Variants in MAP3K1 observed in about 807,000 individuals in gnomAD.
MAP3K1 encodes the protein mitogen-activated protein kinase kinase kinase 1, also known as MAP/ERK kinase kinase 1.
A neutral mutation model predicts 144.2 loss-of-function variants in MAP3K1; 36 were observed. The ratio of observed to expected loss-of-function variants is 0.25; its 90% confidence interval spans 0.19 to 0.33. The LOEUF (loss-of-function observed/expected upper bound fraction) is 0.33. Ranked by LOEUF, MAP3K1 falls within the 10% of genes least tolerant of loss-of-function variation. MAP3K1 has a pLI of 1.00. For missense variants in MAP3K1, 1,650 were observed against 1,881.9 expected (o/e 0.88, Z 2.28); for synonymous variants, 718 against 688.7 (o/e 1.04, Z -0.67).
chr5:56,829,888 A>G (rs1234780922), intron 1 of MAP3K1, among the ~76,000 whole-genome samples: 1 of 152,216 alleles, frequency 6.6e-6, no homozygotes, highest in African/African-American at 2.4e-5. Flanking sequence ...TTAAGTGGAT[A>G]GTAGGACATT....
intron 14 of MAP3K1, 39 bp from the exon 15 acceptor site, chr5:56,883,488 C>T (rs1229971870): frequency 1.9e-6 from 3 of 1,601,144 alleles, no homozygotes; most frequent in East Asian, 2.2e-5. Flanking sequence ...AAATCTTACT[C>T]CTTTAACAGT....
intron 1 of MAP3K1, among the ~76,000 whole-genome samples, chr5:56,838,940 A>G (rs1746732038): frequency 6.6e-6 from 1 of 152,156 alleles, no homozygotes; most frequent in African/African-American, 2.4e-5. Flanking sequence ...GGCTGGGAGG[A>G]AATGAACTAT....
intron 19 of MAP3K1, among the ~76,000 whole-genome samples, chr5:56,891,938 C>T (rs1748561848): frequency 6.6e-6 from 1 of 152,104 alleles, no homozygotes. Context: ...GTTACTGTAG[C>T]CTTGTAGTAT....
chr5:56,853,592 G>T (rs1468969481), intron 1 of MAP3K1, among the ~76,000 whole-genome samples: 1 of 152,136 alleles, frequency 6.6e-6, no homozygotes, highest in African/African-American at 2.4e-5. Context: ...GGAACAGTTT[G>T]CAAACTGCAT....
chr5:56,832,624 C>T (rs1746526981), intron 1 of MAP3K1, among the ~76,000 whole-genome samples: 1 of 152,164 alleles, frequency 6.6e-6, no homozygotes, highest in African/African-American at 2.4e-5. Flanking sequence ...GACTTCAAGC[C>T]TGCGTTCTTA....
chr5:56,882,479 C>T lies in MAP3K1; in HGVS notation c.3279C>T (p.Asp1093=). 6.2e-7 allele frequency: 1 copy of T among 1,614,150 alleles called. No homozygotes were observed. The change falls in exon 14 of 20, where the codon GAC becomes GAT. Residue 1093 remains aspartate, a synonymous_variant. Transcript: ENST00000399503. ...LDLNSSSKCD[D]SFGCSSNSSN... Reference sequence around the variant, plus strand: ...TGAACAGTAGTTCCAAATGTGATGACAGCTTTGGCTGTAGCAGCAATAGTA... The same window carrying T: ...TGAACAGTAGTTCCAAATGTGATGATAGCTTTGGCTGTAGCAGCAATAGTA...
At chr5:56,883,916 A>G (rs533838432) in intron 15 of MAP3K1, among the ~76,000 whole-genome samples, 15 of 152,168 alleles carry the variant, frequency 9.9e-5, no homozygotes, top group Admixed American at 7.8e-4. Flanking sequence ...TGGGAGGCCA[A>G]GGTGGTTGGA....
At chr5:56,818,000 TG>T (rs1417212242) in intron 1 of MAP3K1, among the ~76,000 whole-genome samples, 1 of 152,050 alleles carries the variant, frequency 6.6e-6, no homozygotes. Context: ...AGATTATAAT[TG>T]CACAGTATAA....
intron 3 of MAP3K1, among the ~76,000 whole-genome samples, chr5:56,863,133 A>T (rs185173588): frequency 6.6e-6 from 1 of 152,220 alleles, no homozygotes; most frequent in South Asian, 2.1e-4. Flanking sequence ...GCTGTAGCCA[A>T]TCAGCTGATT....
In MAP3K1 at chr5:56,815,996, C is replaced by A; in HGVS notation, c.423C>A (p.Ala141=). 8.1e-7 allele frequency: 1 copy of A among 1,240,728 alleles called. No homozygotes were observed. Among genetic ancestry groups the A allele is most frequent in the South Asian group, 3.5e-5 (1 of 28,748 alleles). 76.9% of individuals were successfully genotyped at this position (1,240,728 alleles called of 1,614,324 possible). A position where few individuals can be genotyped will look rare whatever the true frequency, so the allele number is the denominator to read the frequency against. ...PDSGASSPAA[A]EPGEKRAPAA... is the part of the protein sequence containing the mutation. ...GCGGCGCCTCGAGTCCCGCAGCGGC[C>A]GAGCCCGGGGAGAAGCGGGCGCCCG... Residue 141 remains alanine (A), a synonymous_variant, in exon 1 of 20, where the codon GCC becomes GCA. Coordinates refer to ENST00000399503, the MANE Select transcript of MAP3K1 (RefSeq NM_005921.2).
intron 1 of MAP3K1, among the ~76,000 whole-genome samples, chr5:56,856,040 G>A (rs1011171690): frequency 2.0e-5 from 3 of 152,062 alleles, no homozygotes; most frequent in Non-Finnish European, 2.9e-5. Context: ...TGTTTGTACT[G>A]GATAATTTTT....
chr5:56,818,155 A>AT (rs909115492), intron 1 of MAP3K1, among the ~76,000 whole-genome samples: 35 of 151,822 alleles, frequency 2.3e-4, no homozygotes, highest in African/African-American at 6.5e-4. Context: ...AATATAGTGA[A>AT]TTTTTTTTTC....
intron 1 of MAP3K1, among the ~76,000 whole-genome samples, chr5:56,839,337 T>G (rs574630172): frequency 3.3e-5 from 5 of 152,218 alleles, no homozygotes; most frequent in African/African-American, 1.2e-4. Context: ...CTTTTTCCAC[T>G]TGTCGATTGG....
intron 1 of MAP3K1, among the ~76,000 whole-genome samples, chr5:56,819,311 T>C (rs1487488641): frequency 4.6e-5 from 7 of 152,216 alleles, no homozygotes; most frequent in Non-Finnish European, 7.3e-5. Context: ...TTCATTGATA[T>C]TCATTTACAA....
chr5:56,852,913 A>C (rs1343848318), intron 1 of MAP3K1, among the ~76,000 whole-genome samples: 1 of 152,132 alleles, frequency 6.6e-6, no homozygotes. Context: ...ACATACACAC[A>C]CACACTCATC....
At chr5:56,891,909 C>T (rs1748560338) in intron 19 of MAP3K1, among the ~76,000 whole-genome samples, 1 of 152,176 alleles carries the variant, frequency 6.6e-6, no homozygotes, top group Non-Finnish European at 1.5e-5. Context: ...TGTTTTGGCA[C>T]CAGTACCATG....
chr5:56,845,802 G>A (rs530034891), intron 1 of MAP3K1, among the ~76,000 whole-genome samples: 40 of 152,288 alleles, frequency 2.6e-4, no homozygotes, highest in African/African-American at 3.9e-4. Flanking sequence ...AATTTTTAGC[G>A]CAGAATGTCA....
rs754278803 is a variant in MAP3K1 at position 56,882,335 on chromosome 5, C to G, written c.3135C>G (p.Val1045=). The part of the protein sequence containing the change: ...ENKDSDKLSP[V]FTQSRPLPSS... ...AAGACTCAGATAAACTTTCCCCAGT[C>G]TTTACTCAGTCAAGACCCTTGCCCT... The change falls in exon 14 of 20, where the codon GTC becomes GTG. Residue 1045 remains valine (V), a synonymous_variant. Coordinates refer to ENST00000399503, the MANE Select transcript of MAP3K1 (RefSeq NM_005921.2). 1.9e-6 allele frequency: 3 copies of G among 1,614,202 alleles called. No homozygotes were observed. Among genetic ancestry groups the G allele is most frequent in the Admixed American group, 3.3e-5 (2 of 60,012 alleles).
intron 17 of MAP3K1, 31 bp from the exon 18 acceptor site, chr5:56,887,347 A>G (rs1221169091): frequency 8.1e-6 from 13 of 1,613,474 alleles, no homozygotes; most frequent in Middle Eastern, 3.3e-4. Flanking sequence ...TGTTTTTAAC[A>G]TACAAGGTCA....
Sources: gnomAD v4.1 joint callset for allele counts (sites outside exome capture counted in the v4.1 genomes callset) on GRCh38, gnomAD v4.1.1 for gene constraint, MANE v1.5 for transcripts, NCBI Gene and HGNC (gene_info 2026-07-23, HGNC 2026-07-21) for gene names.